CDK14: variants seen among roughly 807,000 people sequenced by gnomAD.
The protein encoded by CDK14 is cyclin-dependent kinase 14.
In CDK14, 34 loss-of-function variants were observed where a neutral mutation model predicts 60.7. The ratio of observed to expected loss-of-function variants is 0.56; its 90% CI spans 0.43 to 0.75. CDK14 has a LOEUF of 0.75. CDK14 is among the 30% of genes least tolerant of loss of function. The pLI is 0.00. For synonymous variants in CDK14, 197 were observed against 203.7 expected (o/e 0.97, Z 0.28); for missense variants, 482 against 564.1 (o/e 0.85, Z 1.47).
chr7:90,861,905 C>T (rs1791022232), intron 5 of CDK14, among the ~76,000 whole-genome samples: 2 of 152,216 alleles, frequency 1.3e-5, no homozygotes, highest in Admixed American at 1.3e-4. Context: ...GTTGCAAAAA[C>T]TCTTGCAATA....
chr7:90,608,446 T>C (rs531456295), intron 2 of CDK14: 1 of 391,450 alleles, frequency 2.6e-6, no homozygotes, highest in African/African-American at 2.2e-5. Flanking sequence ...GAAATGGTGA[T>C]AGCTACAGCA....
Position 91,098,513 on chromosome 7 carries a change from AAAAG to A in CDK14, c.1155-14019_1155-14016del, listed in dbSNP as rs760335342. Among the ~76,000 whole-genome samples the A allele has an allele frequency of 5.2e-4, 78 of 149,820 alleles. No individual in the cohort carries two copies. In the Middle Eastern group the frequency reaches 0.014, roughly 27 times the overall value. On this transcript the variant is annotated intron_variant, in intron 12 of 14. Transcript: ENST00000380050. ...AGAACTTAAAATAAAAAAAGAAAGA[AAAAG>A]AAAGAAAGAGAAAAAAAAAAAGAAA...
Position 91,072,226 on chromosome 7 carries a change from T to A in CDK14, c.1106-7206T>A, listed in dbSNP as rs536806369. ...GCCACCCAACTGGGCGAGACCCTCT[T>A]AACGGGTTGTCAGACACCCTATATA... On this transcript the variant is annotated intron_variant, in intron 11 of 14. Transcript: ENST00000380050. Among the ~76,000 whole-genome samples, 51 of 152,252 alleles carry A rather than the reference T, an allele frequency of 3.3e-4. No homozygotes were observed. The East Asian group carries it at 9.9e-3, about 30-fold the overall frequency.
At chr7:90,699,659 C>T (rs941026263) in intron 2 of CDK14, among the ~76,000 whole-genome samples, 3 of 152,174 alleles carry the variant, frequency 2.0e-5, no homozygotes, top group Non-Finnish European at 2.9e-5. Context: ...CCTTAGAGTT[C>T]TGAGTTAAAT....
At chr7:90,972,128 G>A (rs1296688352) in intron 9 of CDK14, among the ~76,000 whole-genome samples, 2 of 152,056 alleles carry the variant, frequency 1.3e-5, no homozygotes. Flanking sequence ...AAAGTTTATT[G>A]TTTTGAATCA....
chr7:91,172,468 C>T (rs1417877519), intron 14 of CDK14, among the ~76,000 whole-genome samples: 2 of 152,214 alleles, frequency 1.3e-5, no homozygotes, highest in Non-Finnish European at 2.9e-5. Context: ...GTTATTCCTA[C>T]TCCTTACCAC....
In CDK14 at chr7:91,054,556, C is replaced by A. The variant is rs184357148; in HGVS notation, c.1105+8596C>A. Among the ~76,000 whole-genome samples, 204 of 152,284 alleles carry A rather than the reference C, an allele frequency of 1.3e-3. 1 individual carries two copies. Among genetic ancestry groups the A allele is most frequent in the Admixed American group, 0.012 (182 of 15,290 alleles). On this transcript the variant is annotated intron_variant, in intron 11 of 14. Coordinates refer to ENST00000380050, the MANE Select transcript of CDK14 (RefSeq NM_001287135.2). ...TGACAGGAAGGGCAGACTGCACTTT[C>A]TGGTTGAGCCAGCCATACTGGGAGG...
At chr7:91,084,793 G>A (rs1240480851) in intron 12 of CDK14, among the ~76,000 whole-genome samples, 1 of 152,182 alleles carries the variant, frequency 6.6e-6, no homozygotes, top group Non-Finnish European at 1.5e-5. Flanking sequence ...AACAGCCATT[G>A]CTTTTCATCC....
intron 3 of CDK14, among the ~76,000 whole-genome samples, chr7:90,738,465 C>G (rs572466529): frequency 6.6e-6 from 1 of 152,220 alleles, no homozygotes; most frequent in Non-Finnish European, 1.5e-5. Context: ...TCAGCTGGAA[C>G]ATTATGTGCA....
chr7:91,096,311 G>C (rs963422609), intron 12 of CDK14, among the ~76,000 whole-genome samples: 8 of 152,106 alleles, frequency 5.3e-5, no homozygotes, highest in South Asian at 4.1e-4. Context: ...CACTGGCTCT[G>C]GCAAAGCCAA....
At chr7:91,069,331 G>T (rs950846548) in intron 11 of CDK14, among the ~76,000 whole-genome samples, 1 of 152,178 alleles carries the variant, frequency 6.6e-6, no homozygotes, top group African/African-American at 2.4e-5. Context: ...TTGAGGCCAG[G>T]AGTTTGTGAC....
intron 2 of CDK14, among the ~76,000 whole-genome samples, chr7:90,706,307 C>T (rs1052793613): frequency 2.6e-5 from 4 of 152,142 alleles, no homozygotes; most frequent in African/African-American, 9.7e-5. Context: ...GACTTGGTGT[C>T]TACATGCTTG....
chr7:90,861,074 A>G (rs1267120533), intron 5 of CDK14, among the ~76,000 whole-genome samples: 1 of 152,156 alleles, frequency 6.6e-6, no homozygotes, highest in Admixed American at 6.5e-5. Context: ...AGGAAGAGCT[A>G]CTAGGTGGCA....
intron 14 of CDK14, among the ~76,000 whole-genome samples, chr7:91,179,464 C>T (rs916967816): frequency 6.6e-6 from 1 of 150,642 alleles, no homozygotes; most frequent in African/African-American, 2.4e-5. Context: ...TGTAACTAAC[C>T]TGCACGATGT....
intron 4 of CDK14, among the ~76,000 whole-genome samples, chr7:90,780,705 A>G (rs987514960): frequency 6.6e-6 from 1 of 151,598 alleles, no homozygotes; most frequent in Non-Finnish European, 1.5e-5. Flanking sequence ...TTCCAATTTC[A>G]TCCATGTCCC....
chr7:90,872,416 A>G (rs1009250266), intron 6 of CDK14, among the ~76,000 whole-genome samples: 8 of 152,222 alleles, frequency 5.3e-5, no homozygotes, highest in African/African-American at 1.4e-4. Context: ...ATGTGCAGGC[A>G]GTGTAAGATG....
At chr7:90,775,051 G>C (rs1273474786) in intron 4 of CDK14, among the ~76,000 whole-genome samples, 1 of 152,094 alleles carries the variant, frequency 6.6e-6, no homozygotes, top group African/African-American at 2.4e-5. Flanking sequence ...TTTTTCATGA[G>C]AGTGGAAACT....
At position 90,715,404 on chromosome 7, in the gene CDK14, G is replaced by A. The variant is rs190137440; in HGVS notation, c.124-11163G>A. ...TTTCAAGTCTATGAATCTGAGATCAGCCTCTTGTGTTTATTAGTGGTTAGT... is the reference window on the plus strand; with the variant it reads ...TTTCAAGTCTATGAATCTGAGATCAACCTCTTGTGTTTATTAGTGGTTAGT... On this transcript the variant is annotated intron_variant, in intron 2 of 14. Transcript: ENST00000380050. Among the ~76,000 whole-genome samples, 474 of 152,140 alleles carry A rather than the reference G, an allele frequency of 3.1e-3. 4 individuals carry two copies. The highest frequency in any genetic ancestry group is 0.011 in the African/African-American group (452 of 41,544).
At position 90,687,423 on chromosome 7, in the gene CDK14, A is replaced by C. The variant is rs188753837; in HGVS notation, c.124-39144A>C. On this transcript the variant is annotated intron_variant, in intron 2 of 14. Coordinates refer to ENST00000380050, the MANE Select transcript of CDK14 (RefSeq NM_001287135.2). Reference sequence around the variant, plus strand: ...TAATTAAAACAAGAACTGTGAGAAAAAGCTTTCTTTAGAAGGCTACGAAGG... The same window carrying C: ...TAATTAAAACAAGAACTGTGAGAAACAGCTTTCTTTAGAAGGCTACGAAGG... Among the ~76,000 whole-genome samples, 3 of 152,230 alleles carry C rather than the reference A, an allele frequency of 2.0e-5. No individual in the cohort carries two copies. In the East Asian group the frequency reaches 5.8e-4, roughly 29 times the overall value.
Sources: allele counts gnomAD v4.1 joint callset (sites outside exome capture counted in the v4.1 genomes callset), GRCh38; gene constraint gnomAD v4.1.1; transcripts MANE v1.5; gene names NCBI Gene and HGNC (gene_info 2026-07-23, HGNC 2026-07-21).